CCDC85C: variants seen among roughly 807,000 people sequenced by gnomAD.
The protein encoded by CCDC85C is coiled-coil domain containing 85C.
CCDC85C carries 18 observed loss-of-function variants against 38.3 expected under a neutral mutation model. The ratio of observed to expected loss-of-function variants is 0.47; its 90% CI spans 0.33 to 0.70. CCDC85C has a LOEUF of 0.70. Ranked by LOEUF, CCDC85C falls within the 30% of genes least tolerant of loss-of-function variation. CCDC85C has a pLI of 0.03. For synonymous variants in CCDC85C, 264 were observed against 293.8 expected, an observed-to-expected ratio of 0.90 and a Z score of 1.04; for missense variants, 566 against 621.2, an observed-to-expected ratio of 0.91 and a Z score of 0.94.
At chr14:99,593,526 C>T (rs2055110702) in intron 1 of CCDC85C, among the ~76,000 whole-genome samples, 1 of 152,214 alleles carries the variant, frequency 6.6e-6, no homozygotes, top group Non-Finnish European at 1.5e-5. Context: ...GGGGTGCAAG[C>T]CAGGGTGCAT....
chr14:99,580,295 G>A (rs1383854234), intron 1 of CCDC85C, among the ~76,000 whole-genome samples: 5 of 151,758 alleles, frequency 3.3e-5, no homozygotes, highest in Non-Finnish European at 7.4e-5. Context: ...AAGAGCTCAA[G>A]GCAGAGACTG....
intron 1 of CCDC85C, among the ~76,000 whole-genome samples, chr14:99,547,187 C>T (rs1019157366): frequency 1.3e-5 from 2 of 151,782 alleles, no homozygotes; most frequent in Non-Finnish European, 2.9e-5. Flanking sequence ...ATAGCAAACT[C>T]CCGTCTCTAA....
chr14:99,585,310 C>T (rs963243672), intron 1 of CCDC85C, among the ~76,000 whole-genome samples: 1 of 152,188 alleles, frequency 6.6e-6, no homozygotes, highest in Non-Finnish European at 1.5e-5. Context: ...GAAAAAGTTA[C>T]TAATGGGGAA....
intron 1 of CCDC85C, among the ~76,000 whole-genome samples, chr14:99,541,193 G>A (rs966629270): frequency 1.3e-5 from 2 of 152,162 alleles, no homozygotes; most frequent in African/African-American, 4.8e-5. Flanking sequence ...TCCCTGGAGG[G>A]ACCTGTTCTT....
Position 99,515,257 on chromosome 14 carries a change from C to A in CCDC85C, c.1249G>T (p.Gly417Trp). The A allele has an allele frequency of 6.4e-7, 1 of 1,550,726 alleles. No individual in the cohort carries two copies. Among genetic ancestry groups the A allele is most frequent in the Non-Finnish European group, 8.7e-7 (1 of 1,146,760 alleles). Reference sequence around the variant, plus strand: ...ACAGAAGAGTGGCCCTACAAAGGCCCCTTGAACTGGTTCCCAGACAGGTGC... The same window carrying A: ...ACAGAAGAGTGGCCCTACAAAGGCCACTTGAACTGGTTCCCAGACAGGTGC... The part of the protein sequence containing the change: ...RQHLSGNQFK[G>W]PL The change falls in exon 6 of 6, where the codon GGG becomes TGG. Residue 417 changes from glycine to tryptophan, a missense_variant. Physicochemically the swap from Gly to Trp is radical, Grantham distance 184. Coordinates refer to ENST00000380243, the MANE Select transcript of CCDC85C (RefSeq NM_001144995.2).
At chr14:99,537,985 CCA>C (rs1897637918) in intron 1 of CCDC85C, among the ~76,000 whole-genome samples, 1 of 152,202 alleles carries the variant, frequency 6.6e-6, no homozygotes, top group South Asian at 2.1e-4. Context: ...CAAGTAAACT[CCA>C]GAGACCCTTC....
In CCDC85C at chr14:99,506,830, A is replaced by G; in HGVS notation, c.*8416T>C. ...AGTGAAGTGGTCAGCAAGGAAACTT[A>G]GGTAGACATGGAAAATGGGCTGCCT... On this transcript the variant is annotated 3_prime_UTR_variant, in exon 6 of 6. Transcript: ENST00000380243. 1 of 476,452 alleles carries G rather than the reference A, an allele frequency of 2.1e-6. No individual in the cohort carries two copies. 29.5% of individuals were successfully genotyped at this position (476,452 alleles called of 1,614,324 possible).
In CCDC85C at chr14:99,507,374, C is replaced by T. The variant is rs1897001616; in HGVS notation, c.*7872G>A. The T allele has an allele frequency of 5.7e-6, 3 of 526,424 alleles. No individual in the cohort carries two copies. The highest frequency in any genetic ancestry group is 1.0e-5 in the Non-Finnish European group (3 of 290,008). The allele number at this position is 526,424 out of a possible 1,614,324, so 32.6% of individuals were successfully genotyped here. A position where few individuals can be genotyped will look rare whatever the true frequency, so the allele number is the denominator to read the frequency against. On this transcript the variant is annotated 3_prime_UTR_variant, in exon 6 of 6. Transcript: ENST00000380243. ...GGAGAATCACCTGACCCCAGGAGTT[C>T]GAGGTCAGCCTGGGCAACAAAGTGA...
intron 2 of CCDC85C, among the ~76,000 whole-genome samples, chr14:99,530,536 G>A (rs989630904): frequency 3.9e-5 from 6 of 152,194 alleles, no homozygotes; most frequent in South Asian, 2.1e-4. Flanking sequence ...GAACTGAAGC[G>A]TTGGCCATGG....
chr14:99,581,676 G>C (rs990166921), intron 1 of CCDC85C, among the ~76,000 whole-genome samples: 3 of 152,208 alleles, frequency 2.0e-5, no homozygotes, highest in African/African-American at 7.2e-5. Context: ...TTTCTCAATG[G>C]GCTCGCAGGG....
In CCDC85C at chr14:99,513,517, C is replaced by G. The variant is rs926907276; in HGVS notation, c.*1729G>C. 2.0e-5 allele frequency: 3 copies of G among 152,338 alleles called. No individual in the cohort carries two copies. Among genetic ancestry groups the G allele is most frequent in the Non-Finnish European group, 4.4e-5 (3 of 68,118 alleles). The allele number at this position is 152,338 out of a possible 1,614,324, so 9.4% of individuals were successfully genotyped here. On this transcript the variant is annotated 3_prime_UTR_variant, in exon 6 of 6. Transcript: ENST00000380243. ...TCCCATCACCAGCACCCACTTACCC[C>G]CCTGGGGCTAAGATGGGGGGCGTGA...
In CCDC85C at chr14:99,502,059, A is replaced by G; in HGVS notation, c.*13187T>C. 1 of 851,052 alleles carries G rather than the reference A, an allele frequency of 1.2e-6. No homozygotes were observed. Among genetic ancestry groups the G allele is most frequent in the Non-Finnish European group, 1.7e-6 (1 of 605,622 alleles). 52.7% of individuals were successfully genotyped at this position (851,052 alleles called of 1,614,324 possible). Reference sequence around the variant, plus strand: ...CTTAGTCGGGTACCTTTAGAAGAGTAAAGACTTGAGTTTATTTATTTATAG... The same window carrying G: ...CTTAGTCGGGTACCTTTAGAAGAGTGAAGACTTGAGTTTATTTATTTATAG... On this transcript the variant is annotated 3_prime_UTR_variant, in exon 6 of 6. Transcript: ENST00000380243.
Position 99,517,189 on chromosome 14 carries a change from G to C in CCDC85C, c.976-6C>G. On this transcript the variant is annotated splice_polypyrimidine_tract_variant and splice_region_variant and intron_variant, in intron 3 of 5. Transcript: ENST00000380243. ...GGTGCGGGGCAGGCCGGGCCCTGGG[G>C]AAGGCAATCACACATCTCAGCTCAC... 1 of 1,536,786 alleles carries C rather than the reference G, an allele frequency of 6.5e-7. No individual in the cohort carries two copies.
At chr14:99,587,707 G>A (rs1008217024) in intron 1 of CCDC85C, among the ~76,000 whole-genome samples, 2 of 152,290 alleles carry the variant, frequency 1.3e-5, no homozygotes, top group Non-Finnish European at 2.9e-5. Flanking sequence ...GAGGCAGGCC[G>A]GCCAAGCAGG....
At chr14:99,585,696 G>A (rs1438164304) in intron 1 of CCDC85C, among the ~76,000 whole-genome samples, 3 of 152,176 alleles carry the variant, frequency 2.0e-5, no homozygotes, top group Non-Finnish European at 2.9e-5. Flanking sequence ...CTGCCTTGTC[G>A]GAGATCGCAC....
Position 99,509,591 on chromosome 14 carries a change from T to TA in CCDC85C, c.*5654dup. 6.4e-6 allele frequency: 1 copy of TA among 156,678 alleles called. No homozygotes were observed. Among genetic ancestry groups the TA allele is most frequent in the Non-Finnish European group, 1.4e-5 (1 of 72,694 alleles). 9.7% of individuals were successfully genotyped at this position (156,678 alleles called of 1,614,324 possible). ...CACACACTCCTCTCAAGGAGGCTGC[T>TA]ATCTGAGAGCACACAGTGGGGTTTG... On this transcript the variant is annotated 3_prime_UTR_variant, in exon 6 of 6. Coordinates refer to ENST00000380243, the MANE Select transcript of CCDC85C (RefSeq NM_001144995.2).
Position 99,510,252 on chromosome 14 carries a change from G to GCC in CCDC85C, c.*4992_*4993dup. On this transcript the variant is annotated 3_prime_UTR_variant, in exon 6 of 6. Coordinates refer to ENST00000380243, the MANE Select transcript of CCDC85C (RefSeq NM_001144995.2). Reference sequence around the variant, plus strand: ...CCCCAAAGTCCAGATTCCCCCTCCGGCCCACCCGGCCCCTGTGCACCAGCC... The same window carrying GCC: ...CCCCAAAGTCCAGATTCCCCCTCCGGCCCCCACCCGGCCCCTGTGCACCAGCC... 1.3e-6 allele frequency: 2 copies of GCC among 1,558,606 alleles called. No homozygotes were observed. The highest frequency in any genetic ancestry group is 1.2e-5 in the South Asian group (1 of 85,896).
intron 1 of CCDC85C, among the ~76,000 whole-genome samples, chr14:99,593,586 C>A (rs940175988): frequency 6.6e-6 from 1 of 152,248 alleles, no homozygotes; most frequent in Non-Finnish European, 1.5e-5. Flanking sequence ...ATCTCTCCGG[C>A]GTCTGTGCAG....
rs1322285160 is a variant in CCDC85C, at chr14:99,554,335, C to T, written c.794-18247G>A. On this transcript the variant is annotated intron_variant, in intron 1 of 5. Coordinates refer to ENST00000380243, the MANE Select transcript of CCDC85C (RefSeq NM_001144995.2). ...CCTTCGTTTCTAGGGAGATACACCC[C>T]CACCCAGCCTTGGTCACTGTGGCAG... is the stretch of plus-strand genomic sequence containing the variant. Among the ~76,000 whole-genome samples the T allele has an allele frequency of 1.3e-5, 2 of 152,172 alleles. 1 individual carries two copies. Among genetic ancestry groups the T allele is most frequent in the Non-Finnish European group, 2.9e-5 (2 of 68,038 alleles).
Sources: gnomAD v4.1 joint callset for allele counts (sites outside exome capture counted in the v4.1 genomes callset) on GRCh38, gnomAD v4.1.1 for gene constraint, MANE v1.5 for transcripts, NCBI Gene and HGNC (gene_info 2026-07-23, HGNC 2026-07-21) for gene names.